EPHA3: variants seen among roughly 807,000 people sequenced by gnomAD.
The protein encoded by EPHA3 is ephrin type-A receptor 3.
In EPHA3, 42 loss-of-function variants were observed where a neutral mutation model predicts 107.1. The ratio of observed to expected loss-of-function variants is 0.39; its 90% CI spans 0.31 to 0.51. The LOEUF (loss-of-function observed/expected upper bound fraction) is 0.51. EPHA3 is among the 20% of genes least tolerant of loss of function. The pLI is 0.78. For synonymous variants in EPHA3, 461 were observed against 424.8 expected (o/e 1.09, Z -1.05); for missense variants, 1,183 against 1,211.2 (o/e 0.98, Z 0.35).
chr3:89,211,191 T>G (rs565408518), intron 3 of EPHA3, among the ~76,000 whole-genome samples: 1 of 152,178 alleles, frequency 6.6e-6, no homozygotes, highest in East Asian at 1.9e-4. Flanking sequence ...ATATTTGATA[T>G]TAATATAATA....
At chr3:89,309,624 C>A (rs533801516) in intron 3 of EPHA3, among the ~76,000 whole-genome samples, 1 of 152,018 alleles carries the variant, frequency 6.6e-6, no homozygotes, top group South Asian at 2.1e-4. Flanking sequence ...GAGCACTAAG[C>A]GTAGCTAGAT....
intron 9 of EPHA3, among the ~76,000 whole-genome samples, chr3:89,411,986 C>T (rs1709161902): frequency 6.6e-6 from 1 of 151,812 alleles, no homozygotes; most frequent in South Asian, 2.1e-4. Flanking sequence ...TGTGCTAAAA[C>T]ACACTATTAA....
At chr3:89,280,572 A>C (rs1237766283) in intron 3 of EPHA3, among the ~76,000 whole-genome samples, 1 of 152,162 alleles carries the variant, frequency 6.6e-6, no homozygotes, top group Non-Finnish European at 1.5e-5. Flanking sequence ...CACGTGTGGT[A>C]TAATTGGGTT....
At chr3:89,143,822 T>C (rs1704481316) in intron 2 of EPHA3, among the ~76,000 whole-genome samples, 1 of 151,618 alleles carries the variant, frequency 6.6e-6, no homozygotes, top group Admixed American at 6.6e-5. Context: ...TCACATTGCA[T>C]TTAGTAGGAA....
At chr3:89,251,133 G>A (rs1559619118) in intron 3 of EPHA3, among the ~76,000 whole-genome samples, 1 of 152,086 alleles carries the variant, frequency 6.6e-6, no homozygotes, top group Non-Finnish European at 1.5e-5. Flanking sequence ...GTCTTGACAG[G>A]TTTAATAACC....
chr3:89,116,858 G>A (rs1707270188), intron 1 of EPHA3, among the ~76,000 whole-genome samples: 2 of 151,824 alleles, frequency 1.3e-5, no homozygotes, highest in South Asian at 4.1e-4. Flanking sequence ...GAGAATTCAT[G>A]TCAATTACTC....
intron 3 of EPHA3, among the ~76,000 whole-genome samples, chr3:89,311,787 C>T (rs1392592417): frequency 2.6e-5 from 4 of 152,030 alleles, no homozygotes; most frequent in South Asian, 2.1e-4. Flanking sequence ...TGACCTCAAG[C>T]GTATGTTTCC....
rs530649208 is a variant in EPHA3 at position 89,168,581 on chromosome 3, A to T, written c.154-41279A>T. Among the ~76,000 whole-genome samples, 5 of 152,224 alleles carry T rather than the reference A, an allele frequency of 3.3e-5. No homozygotes were observed. The South Asian group carries it at 1.0e-3, about 32-fold the overall frequency. On this transcript the variant is annotated intron_variant, in intron 2 of 16. Transcript: ENST00000336596. Reference sequence around the variant, plus strand: ...ATGGTAATTAAGAGACTTCCTTTCAATTTTAATTTCATGACTAAATTAGAG... The same window carrying T: ...ATGGTAATTAAGAGACTTCCTTTCATTTTTAATTTCATGACTAAATTAGAG...
At chr3:89,216,964 A>C (rs1188171898) in intron 3 of EPHA3, among the ~76,000 whole-genome samples, 1 of 152,132 alleles carries the variant, frequency 6.6e-6, no homozygotes, top group Admixed American at 6.5e-5. Flanking sequence ...TGATGGACTT[A>C]GATTCTGTGA....
chr3:89,459,306 C>T (rs1282061723), intron 15 of EPHA3, among the ~76,000 whole-genome samples: 6 of 151,978 alleles, frequency 3.9e-5, no homozygotes, highest in Admixed American at 1.3e-4. Flanking sequence ...AATGAAAAGG[C>T]AAGGCAAAAC....
intron 15 of EPHA3, among the ~76,000 whole-genome samples, chr3:89,460,998 C>T (rs1710225928): frequency 8.5e-6 from 1 of 117,398 alleles, no homozygotes; most frequent in Non-Finnish European, 1.8e-5. Flanking sequence ...CACCACAGTC[C>T]CCAGAGTGTG....
At chr3:89,350,320 T>TCA (rs1707779153) in intron 5 of EPHA3, among the ~76,000 whole-genome samples, 1 of 149,402 alleles carries the variant, frequency 6.7e-6, no homozygotes, top group African/African-American at 2.4e-5. Context: ...TCATTTCTTT[T>TCA]TATTCTTTTT....
intron 3 of EPHA3, among the ~76,000 whole-genome samples, chr3:89,312,265 T>G (rs1356472783): frequency 6.6e-6 from 1 of 151,958 alleles, no homozygotes; most frequent in African/African-American, 2.4e-5. Context: ...TTGATTTTTA[T>G]TTATTAATTC....
chr3:89,185,487 T>C (rs1241162222), intron 2 of EPHA3, among the ~76,000 whole-genome samples: 1 of 152,072 alleles, frequency 6.6e-6, no homozygotes, highest in Non-Finnish European at 1.5e-5. Context: ...CAACAGATAT[T>C]GTGAAAACAA....
chr3:89,363,601 G>T lies in EPHA3; in HGVS notation c.1306+21511G>T, dbSNP rs1227891829. Among the ~76,000 whole-genome samples, 3 of 150,808 alleles carry T rather than the reference G, an allele frequency of 2.0e-5. No homozygotes were observed. The Admixed American group carries it at 2.0e-4, about 10-fold the overall frequency. Reference sequence around the variant, plus strand: ...ACACCTTCACAGTGACCCCAGACTGGTGTTTGACCAAATATCTGAGTACCA... The same window carrying T: ...ACACCTTCACAGTGACCCCAGACTGTTGTTTGACCAAATATCTGAGTACCA... On this transcript the variant is annotated intron_variant, in intron 5 of 16. Transcript: ENST00000336596.
chr3:89,145,235 G>A (rs1389629035), intron 2 of EPHA3, among the ~76,000 whole-genome samples: 2 of 151,104 alleles, frequency 1.3e-5, no homozygotes, highest in Non-Finnish European at 3.0e-5. Context: ...AAACAAGTTA[G>A]AAACATTCTA....
At chr3:89,430,546 GT>G (rs1709545929) in intron 12 of EPHA3, among the ~76,000 whole-genome samples, 1 of 151,876 alleles carries the variant, frequency 6.6e-6, no homozygotes, top group Non-Finnish European at 1.5e-5. Context: ...TAAACCTTAT[GT>G]TTCTATTTTA....
intron 1 of EPHA3, among the ~76,000 whole-genome samples, chr3:89,113,160 T>C (rs1707155157): frequency 6.6e-6 from 1 of 152,144 alleles, no homozygotes; most frequent in African/African-American, 2.4e-5. Context: ...CATCCAGTTA[T>C]ACAGAAAACC....
At chr3:89,198,941 G>A (rs1481406157) in intron 2 of EPHA3, among the ~76,000 whole-genome samples, 2 of 152,130 alleles carry the variant, frequency 1.3e-5, no homozygotes, top group Non-Finnish European at 2.9e-5. Flanking sequence ...AAGCCAATGT[G>A]CATGGAATTT....
Sources: gnomAD v4.1 joint callset for allele counts (sites outside exome capture counted in the v4.1 genomes callset) on GRCh38, gnomAD v4.1.1 for gene constraint, MANE v1.5 for transcripts, NCBI Gene and HGNC (gene_info 2026-07-23, HGNC 2026-07-21) for gene names.